The following MRAP2 variants were observed in gnomAD, a reference collection of about 807,000 sequenced individuals.
MRAP2 encodes the protein melanocortin 2 receptor accessory protein 2.
A neutral mutation model predicts 17.4 loss-of-function variants in MRAP2; 20 were observed. The ratio of observed to expected loss-of-function variants is 1.15; its 90% CI spans 0.81 to 1.67. MRAP2 has a LOEUF of 1.67. MRAP2 is among the 40% of genes most tolerant of loss of function. The pLI, the probability that MRAP2 is intolerant of heterozygous loss-of-function variation, is 0.00. For missense variants in MRAP2, 238 were observed against 240.0 expected (o/e 0.99, Z 0.05); for synonymous variants, 96 against 88.4 (o/e 1.09, Z -0.48).
chr6:84,122,415 G>A, the MRAP2 span, among the ~76,000 whole-genome samples: 5 of 146,288 alleles, frequency 3.4e-5, no homozygotes, highest in South Asian at 2.1e-4. Flanking sequence ...GGTATGTAAG[G>A]AGGATGATTC....
intron 1 of MRAP2, among the ~76,000 whole-genome samples, chr6:84,037,539 T>C (rs867326772): frequency 6.5e-4 from 98 of 151,414 alleles, no homozygotes; most frequent in African/African-American, 2.4e-3. Context: ...GCGGCGCCCG[T>C]TGGGGAGGCT....
chr6:84,033,757 T>G (rs2099485155), upstream of MRAP2: 1 of 985,540 alleles, frequency 1.0e-6, no homozygotes, highest in Non-Finnish European at 1.2e-6. Context: ...CCGCCGCACC[T>G]CGGATCTAGG....
the MRAP2 span, among the ~76,000 whole-genome samples, chr6:84,099,852 TTCTC>T: frequency 1.3e-5 from 2 of 151,578 alleles, no homozygotes; most frequent in Non-Finnish European, 2.9e-5. Flanking sequence ...TATCTTCTTC[TTCTC>T]TCTCTCTTTT....
At chr6:84,109,922 G>A in the MRAP2 span, among the ~76,000 whole-genome samples, 1 of 152,122 alleles carries the variant, frequency 6.6e-6, no homozygotes, top group South Asian at 2.1e-4. Flanking sequence ...CCCTGCAAAG[G>A]ACATGAACTC....
At chr6:84,101,629 CT>C in the MRAP2 span, among the ~76,000 whole-genome samples, 1 of 152,168 alleles carries the variant, frequency 6.6e-6, no homozygotes, top group African/African-American at 2.4e-5. Flanking sequence ...CAGCATAGCA[CT>C]AATCTTTACT....
chr6:84,143,907 T>C, the MRAP2 span, among the ~76,000 whole-genome samples: 1 of 151,998 alleles, frequency 6.6e-6, no homozygotes, highest in African/African-American at 2.4e-5. Context: ...TTTCCTATGG[T>C]CTCTATCAGT....
At chr6:84,076,802 G>A (rs1387108744) in intron 3 of MRAP2, among the ~76,000 whole-genome samples, 1 of 152,222 alleles carries the variant, frequency 6.6e-6, no homozygotes, top group Non-Finnish European at 1.5e-5. Context: ...ACAGCAGCAG[G>A]TATTTCATTT....
chr6:84,049,446 C>A (rs1382486581), intron 1 of MRAP2, among the ~76,000 whole-genome samples: 2 of 151,928 alleles, frequency 1.3e-5, no homozygotes, highest in African/African-American at 4.8e-5. Context: ...ACACAAAAAA[C>A]AAACAAAACA....
chr6:84,071,007 C>T (rs916952659), intron 3 of MRAP2, among the ~76,000 whole-genome samples: 1 of 152,084 alleles, frequency 6.6e-6, no homozygotes, highest in Non-Finnish European at 1.5e-5. Context: ...TTGGTGGGTT[C>T]TTATCCATTC....
rs1163508452 is a variant in MRAP2, at chr6:84,064,675, GAC to G, written c.227+1685_227+1686del. Among the ~76,000 whole-genome samples the G allele has an allele frequency of 3.3e-5, 5 of 152,240 alleles. No homozygotes were observed. In the East Asian group the frequency reaches 9.7e-4, roughly 30 times the overall value. On this transcript the variant is annotated intron_variant, in intron 3 of 3. Transcript: ENST00000257776. Reference sequence around the variant, plus strand: ...GCTACTTTTTTGTATTTTTAGTAGAGACAGGGTTTCACCATGTTAGCCAGGAT... The same window carrying G: ...GCTACTTTTTTGTATTTTTAGTAGAGAGGGTTTCACCATGTTAGCCAGGAT...
chr6:84,076,033 G>T (rs75287938), intron 3 of MRAP2, among the ~76,000 whole-genome samples: 19,925 of 151,970 alleles, frequency 0.13, 1,483 homozygotes, highest in Middle Eastern at 0.26. Context: ...TTATGTGTCT[G>T]GTTCAGTCTA....
At chr6:84,053,913 G>A (rs1383595875) in intron 1 of MRAP2, among the ~76,000 whole-genome samples, 1 of 152,028 alleles carries the variant, frequency 6.6e-6, no homozygotes, top group Non-Finnish European at 1.5e-5. Flanking sequence ...TTTTTTTGTG[G>A]AGTCCATGTC....
intron 2 of MRAP2, among the ~76,000 whole-genome samples, chr6:84,058,147 G>A (rs2129165871): frequency 6.6e-6 from 1 of 152,296 alleles, no homozygotes; most frequent in East Asian, 1.9e-4. Context: ...GAGCAGAGGA[G>A]TGCCATCTGG....
chr6:84,139,418 T>C, the MRAP2 span, among the ~76,000 whole-genome samples: 2 of 152,246 alleles, frequency 1.3e-5, no homozygotes, highest in Non-Finnish European at 2.9e-5. Flanking sequence ...TGATGTGTGC[T>C]GCACACATTA....
At chr6:84,035,434 A>C (rs1382773179) in intron 1 of MRAP2, 2 of 984,204 alleles carry the variant, frequency 2.0e-6, no homozygotes, top group Non-Finnish European at 2.4e-6. Flanking sequence ...TGGGATATAG[A>C]TCAGGGTATG....
intron 1 of MRAP2, among the ~76,000 whole-genome samples, chr6:84,049,410 G>C (rs2099489825): frequency 6.6e-6 from 1 of 151,974 alleles, no homozygotes; most frequent in African/African-American, 2.4e-5. Context: ...GGGTGACAGA[G>C]GGAGACTCCA....
the MRAP2 span, among the ~76,000 whole-genome samples, chr6:84,108,396 T>C: frequency 6.6e-6 from 1 of 152,190 alleles, no homozygotes; most frequent in African/African-American, 2.4e-5. Flanking sequence ...TGGTATCTCA[T>C]TGTGGTTTTG....
chr6:84,038,291 G>A (rs943442072), intron 1 of MRAP2, among the ~76,000 whole-genome samples: 2 of 152,204 alleles, frequency 1.3e-5, no homozygotes, highest in African/African-American at 4.8e-5. Context: ...TGGTCTTGGA[G>A]TGATGTGAAA....
At chr6:84,115,047 G>A in the MRAP2 span, among the ~76,000 whole-genome samples, 331 of 152,292 alleles carry the variant, frequency 2.2e-3, no homozygotes, top group African/African-American at 7.8e-3. Context: ...CAGGATAAAC[G>A]GGGGTCAGGG....
Sources: allele counts gnomAD v4.1 joint callset (sites outside exome capture counted in the v4.1 genomes callset), GRCh38; gene constraint gnomAD v4.1.1; transcripts MANE v1.5; gene names NCBI Gene and HGNC (gene_info 2026-07-23, HGNC 2026-07-21).